The following PRR16 variants were observed in gnomAD, a reference collection of about 807,000 sequenced individuals.
The protein encoded by PRR16 is proline rich 16, also known as protein Largen.
PRR16 carries 6 observed loss-of-function variants against 18.2 expected under a neutral mutation model. The observed-to-expected ratio is 0.33, with a 90% CI of 0.18 to 0.65. The LOEUF (loss-of-function observed/expected upper bound fraction) is 0.65, where lower values mean the gene tolerates loss of function less well. PRR16 is among the 30% of genes least tolerant of loss of function. The pLI, the probability that PRR16 is intolerant of heterozygous loss-of-function variation, is 0.74. For synonymous variants in PRR16, 151 were observed against 147.8 expected (o/e 1.02, Z -0.16); for missense variants, 412 against 376.6 (o/e 1.09, Z -0.78).
the PRR16 span, among the ~76,000 whole-genome samples, chr5:120,735,751 T>C: frequency 6.6e-6 from 1 of 152,144 alleles, no homozygotes; most frequent in South Asian, 2.1e-4. Context: ...ATCAGACATA[T>C]GATTTACAAA....
the PRR16 span, among the ~76,000 whole-genome samples, chr5:120,793,012 T>G: frequency 6.7e-6 from 1 of 148,908 alleles, no homozygotes; most frequent in Non-Finnish European, 1.5e-5. Flanking sequence ...ATTAGGTGGC[T>G]ACGGTGGTGG....
the PRR16 span, among the ~76,000 whole-genome samples, chr5:120,754,320 ATAT>A: frequency 2.5e-4 from 18 of 72,954 alleles, no homozygotes; most frequent in South Asian, 1.9e-3. Context: ...TAACATATAA[ATAT>A]TATATGTTAT....
the PRR16 span, among the ~76,000 whole-genome samples, chr5:120,732,477 C>T: frequency 6.6e-6 from 1 of 151,984 alleles, no homozygotes; most frequent in African/African-American, 2.4e-5. Flanking sequence ...ATTTTTTTCC[C>T]TACCTGATGC....
the PRR16 span, among the ~76,000 whole-genome samples, chr5:120,775,164 C>A: frequency 1.3e-5 from 2 of 152,248 alleles, no homozygotes; most frequent in Admixed American, 6.5e-5. Flanking sequence ...ATTAGACTTT[C>A]CACTTTAACC....
chr5:120,747,242 G>A, the PRR16 span, among the ~76,000 whole-genome samples: 45 of 152,120 alleles, frequency 3.0e-4, no homozygotes, highest in African/African-American at 9.4e-4. Flanking sequence ...GGGGACAGCT[G>A]AGGAGATTTA....
At chr5:120,676,885 G>C (rs932568989) in intron 1 of PRR16, among the ~76,000 whole-genome samples, 1 of 152,124 alleles carries the variant, frequency 6.6e-6, no homozygotes, top group African/African-American at 2.4e-5. Context: ...ATTTTCAGAA[G>C]TCAAAAGAGG....
intron 1 of PRR16, chr5:120,618,354 T>A: frequency 1.9e-6 from 1 of 521,952 alleles, no homozygotes; most frequent in Non-Finnish European, 2.5e-6. Context: ...AAATAAAATT[T>A]CTATATTAGC....
intron 1 of PRR16, among the ~76,000 whole-genome samples, chr5:120,592,308 G>C (rs901803775): frequency 1.6e-4 from 24 of 152,136 alleles, no homozygotes; most frequent in African/African-American, 5.1e-4. Flanking sequence ...AGAATAAAAT[G>C]CAGAATAACT....
chr5:120,675,442 C>A (rs1756763454), intron 1 of PRR16, among the ~76,000 whole-genome samples: 1 of 152,126 alleles, frequency 6.6e-6, no homozygotes, highest in South Asian at 2.1e-4. Context: ...TTCAACAATG[C>A]CCCACTCTAA....
Position 120,467,854 on chromosome 5 carries a change from A to G in PRR16, c.159+3209A>G, listed in dbSNP as rs1349146952. 5.9e-5 allele frequency among the ~76,000 whole-genome samples: 9 copies of G among 152,126 alleles called. No individual in the cohort carries two copies. The East Asian group carries it at 1.3e-3, about 23-fold the overall frequency. On this transcript the variant is annotated intron_variant, in intron 1 of 1. Coordinates refer to ENST00000407149, the MANE Select transcript of PRR16 (RefSeq NM_001300783.2). ...TATGGGTCCTTTTGTTTTCTATGCT[A>G]TTAATATATTGGAAAAGCCTTAAAT...
intron 1 of PRR16, among the ~76,000 whole-genome samples, chr5:120,586,158 C>A (rs549315033): frequency 1.4e-5 from 2 of 145,398 alleles, no homozygotes; most frequent in Admixed American, 1.4e-4. Flanking sequence ...AGCAACAGAG[C>A]GAGACTCCAT....
At chr5:120,560,090 A>G (rs1371880497) in intron 1 of PRR16, among the ~76,000 whole-genome samples, 2 of 151,966 alleles carry the variant, frequency 1.3e-5, no homozygotes, top group Non-Finnish European at 2.9e-5. Context: ...AACATGGATA[A>G]TTTGGTATCT....
the PRR16 span, among the ~76,000 whole-genome samples, chr5:120,713,862 C>T: frequency 6.6e-6 from 1 of 152,024 alleles, no homozygotes; most frequent in Non-Finnish European, 1.5e-5. Context: ...GCCATGAAAG[C>T]ATGTGAATGC....
chr5:120,599,540 A>G (rs1445958967), intron 1 of PRR16, among the ~76,000 whole-genome samples: 3 of 151,984 alleles, frequency 2.0e-5, no homozygotes, highest in African/African-American at 7.2e-5. Flanking sequence ...GATCTCTTTA[A>G]ACATAAATAT....
At chr5:120,667,244 A>G (rs1756417122) in intron 1 of PRR16, among the ~76,000 whole-genome samples, 1 of 151,970 alleles carries the variant, frequency 6.6e-6, no homozygotes, top group Admixed American at 6.6e-5. Flanking sequence ...ATTTGCGTAG[A>G]GGTGTTTGTA....
At chr5:120,755,693 A>G in the PRR16 span, among the ~76,000 whole-genome samples, 3 of 152,114 alleles carry the variant, frequency 2.0e-5, no homozygotes, top group Admixed American at 2.0e-4. Flanking sequence ...GTGATGAACT[A>G]TGAGTACACA....
chr5:120,755,674 A>T, the PRR16 span, among the ~76,000 whole-genome samples: 2,469 of 152,138 alleles, frequency 0.016, 75 homozygotes, highest in African/African-American at 0.056. Flanking sequence ...TGTTATTGTG[A>T]ATAATGCTGT....
chr5:120,715,140 T>C, the PRR16 span, among the ~76,000 whole-genome samples: 1 of 152,112 alleles, frequency 6.6e-6, no homozygotes, highest in African/African-American at 2.4e-5. Context: ...GCCAAGGTCA[T>C]CTAGATTTTC....
intron 1 of PRR16, among the ~76,000 whole-genome samples, chr5:120,474,827 A>AT (rs1749388897): frequency 6.6e-6 from 1 of 152,190 alleles, no homozygotes. Flanking sequence ...CTCAGAAAGA[A>AT]TGAAGGGAGC....
Sources: gnomAD v4.1 joint callset for allele counts (sites outside exome capture counted in the v4.1 genomes callset) on GRCh38, gnomAD v4.1.1 for gene constraint, MANE v1.5 for transcripts, NCBI Gene and HGNC (gene_info 2026-07-23, HGNC 2026-07-21) for gene names.